The following ERC2 variants were observed in gnomAD, a reference collection of about 807,000 sequenced individuals.
ERC2 encodes ERC protein 2.
Under a neutral mutation model 114.8 loss-of-function variants are expected in ERC2, and 42 were observed. That is an observed-to-expected ratio of 0.37 (90% CI 0.29 to 0.47). The LOEUF (loss-of-function observed/expected upper bound fraction) is 0.47. Ranked by LOEUF, ERC2 falls within the 20% of genes least tolerant of loss-of-function variation. ERC2 has a pLI of 0.99. For synonymous variants in ERC2, 454 were observed against 425.5 expected, an observed-to-expected ratio of 1.07 and a Z score of -0.82; for missense variants, 939 against 1,150.7, an observed-to-expected ratio of 0.82 and a Z score of 2.66.
intron 17 of ERC2, among the ~76,000 whole-genome samples, chr3:55,519,070 G>A (rs532850040): frequency 7.2e-5 from 11 of 152,292 alleles, no homozygotes; most frequent in Admixed American, 2.6e-4. Flanking sequence ...GGGGATGTCC[G>A]AGTCATCCTG....
At chr3:55,593,058 G>A (rs917254614) in intron 17 of ERC2, among the ~76,000 whole-genome samples, 2 of 152,328 alleles carry the variant, frequency 1.3e-5, no homozygotes, top group African/African-American at 4.8e-5. Context: ...TGGCAAGCAA[G>A]AAAGATATGC....
At chr3:56,118,929 C>G (rs1011868315) in intron 6 of ERC2, among the ~76,000 whole-genome samples, 1 of 152,178 alleles carries the variant, frequency 6.6e-6, no homozygotes, top group African/African-American at 2.4e-5. Context: ...AGCCACTGTG[C>G]CCGGCCACAG....
At chr3:56,188,676 T>C (rs1182911373) in intron 3 of ERC2, among the ~76,000 whole-genome samples, 1 of 152,214 alleles carries the variant, frequency 6.6e-6, no homozygotes, top group Non-Finnish European at 1.5e-5. Context: ...TAGTATAAAA[T>C]GCTGAGGGCT....
At chr3:56,012,877 G>A (rs983924534) in intron 8 of ERC2, among the ~76,000 whole-genome samples, 1 of 152,196 alleles carries the variant, frequency 6.6e-6, no homozygotes, top group Non-Finnish European at 1.5e-5. Flanking sequence ...CCAACAATGT[G>A]TTCTTGTTTT....
At chr3:55,621,040 C>G (rs2059303754) in intron 17 of ERC2, among the ~76,000 whole-genome samples, 1 of 152,112 alleles carries the variant, frequency 6.6e-6, no homozygotes. Context: ...AAGATGGTTG[C>G]ATGCAAAAAT....
At chr3:56,339,532 A>G (rs2058003927) in intron 2 of ERC2, among the ~76,000 whole-genome samples, 1 of 152,124 alleles carries the variant, frequency 6.6e-6, no homozygotes, top group Non-Finnish European at 1.5e-5. Flanking sequence ...CTGACTTCAC[A>G]TAGGCAAAGG....
intron 6 of ERC2, among the ~76,000 whole-genome samples, chr3:56,103,472 G>C (rs770418672): frequency 1.3e-5 from 2 of 152,142 alleles, no homozygotes; most frequent in African/African-American, 2.4e-5. Context: ...ATTCCCACTT[G>C]CTGAGCCAGC....
chr3:55,915,014 T>A (rs944729730), intron 13 of ERC2, among the ~76,000 whole-genome samples: 6 of 152,210 alleles, frequency 3.9e-5, no homozygotes, highest in Non-Finnish European at 8.8e-5. Flanking sequence ...CAGTCTTTTA[T>A]AAAATCTATG....
intron 4 of ERC2, among the ~76,000 whole-genome samples, chr3:56,155,415 A>G (rs987153205): frequency 5.3e-5 from 8 of 151,814 alleles, no homozygotes; most frequent in African/African-American, 1.9e-4. Flanking sequence ...GCCTTCTTTG[A>G]TATCATGTAT....
chr3:56,173,632 TAAAC>T, intron 3 of ERC2, 112 bp from the exon 4 acceptor site: 1 of 884,746 alleles, frequency 1.1e-6, no homozygotes, highest in South Asian at 1.7e-5. Flanking sequence ...TGCACAGACA[TAAAC>T]AAGCCACAGG....
intron 7 of ERC2, among the ~76,000 whole-genome samples, chr3:56,047,458 G>A (rs1194771423): frequency 6.6e-6 from 1 of 152,202 alleles, no homozygotes; most frequent in Non-Finnish European, 1.5e-5. Flanking sequence ...AGTCCTTCTA[G>A]AGGAAAAAGG....
At chr3:56,171,944 G>A (rs1575676372) in intron 4 of ERC2, among the ~76,000 whole-genome samples, 1 of 141,358 alleles carries the variant, frequency 7.1e-6, no homozygotes, top group African/African-American at 2.6e-5. Flanking sequence ...TGTGGAGGTG[G>A]ATGGAAGGGG....
chr3:55,932,385 T>G (rs1223130663), intron 13 of ERC2, among the ~76,000 whole-genome samples: 2 of 152,224 alleles, frequency 1.3e-5, no homozygotes, highest in Admixed American at 6.5e-5. Context: ...AAGTATTTAA[T>G]GCACTTCATC....
chr3:55,637,157 G>A (rs1327234989), intron 17 of ERC2, among the ~76,000 whole-genome samples: 5 of 152,316 alleles, frequency 3.3e-5, no homozygotes, highest in Non-Finnish European at 7.3e-5. Context: ...AGGTCCTCCT[G>A]GAATGCTCCC....
intron 13 of ERC2, among the ~76,000 whole-genome samples, chr3:55,948,690 T>C (rs559544118): frequency 2.5e-4 from 38 of 152,198 alleles, no homozygotes; most frequent in Non-Finnish European, 5.0e-4. Context: ...ATGAAAATAT[T>C]GCTATACAAA....
chr3:56,346,382 A>T (rs1012094785), intron 2 of ERC2, among the ~76,000 whole-genome samples: 7 of 152,220 alleles, frequency 4.6e-5, no homozygotes, highest in African/African-American at 1.7e-4. Flanking sequence ...ATATATAAAA[A>T]TCAACTCAAA....
intron 11 of ERC2, among the ~76,000 whole-genome samples, chr3:55,990,956 G>A (rs2071016751): frequency 6.6e-6 from 1 of 152,280 alleles, no homozygotes; most frequent in South Asian, 2.1e-4. Flanking sequence ...TTAGCCAGGT[G>A]TAGTGGCGTG....
At chr3:56,262,096 T>C (rs2052976368) in intron 3 of ERC2, among the ~76,000 whole-genome samples, 1 of 152,244 alleles carries the variant, frequency 6.6e-6, no homozygotes, top group East Asian at 1.9e-4. Context: ...CACCACATTT[T>C]TTTTATCCAG....
intron 2 of ERC2, among the ~76,000 whole-genome samples, chr3:56,395,770 T>C (rs762610422): frequency 4.4e-4 from 67 of 152,218 alleles, no homozygotes; most frequent in Non-Finnish European, 4.7e-4. Flanking sequence ...CAGGTATTTC[T>C]TTATAGCAAT....
Sources: gnomAD v4.1 joint callset for allele counts (sites outside exome capture counted in the v4.1 genomes callset) on GRCh38, gnomAD v4.1.1 for gene constraint, MANE v1.5 for transcripts, NCBI Gene and HGNC (gene_info 2026-07-23, HGNC 2026-07-21) for gene names.